Variants in CDC73 observed in about 807,000 individuals in gnomAD.
CDC73 encodes parafibromin.
In CDC73, 21 loss-of-function variants were observed where a neutral mutation model predicts 83.7. The observed-to-expected ratio is 0.25, with a 90% CI of 0.18 to 0.36. CDC73 has a LOEUF of 0.36. Among genes scored for constraint, CDC73 ranks in the 10% least tolerant of loss-of-function variants. The pLI is 1.00. For missense variants in CDC73, 342 were observed against 653.3 expected (o/e 0.52, Z 5.19); for synonymous variants, 224 against 212.9 (o/e 1.05, Z -0.45).
At chr1:193,125,244 A>G in intron 2 of CDC73, 27 bp downstream of exon 2, 2 of 1,302,526 alleles carry the variant, frequency 1.5e-6, no homozygotes, top group East Asian at 2.3e-5. Context: ...TTACTTATCT[A>G]TCTATTTATC....
chr1:193,132,208 T>G (rs954554133), intron 3 of CDC73, among the ~76,000 whole-genome samples: 55 of 152,364 alleles, frequency 3.6e-4, no homozygotes, highest in African/African-American at 1.2e-3. Flanking sequence ...GTAAGATTGA[T>G]TTCCACAGAG....
At position 193,203,651 on chromosome 1, in the gene CDC73, G is replaced by T. The variant is rs981745273; in HGVS notation, c.973-144G>T. ...TTTTTATTTTTTTCTTAAACTGTAG[G>T]TCATAACATGTTCAGTGGAGTAACC... is the stretch of plus-strand genomic sequence containing the variant. On this transcript the variant is annotated intron_variant, in intron 10 of 16. Transcript: ENST00000367435. The T allele has an allele frequency of 1.4e-5, 10 of 692,342 alleles. No individual in the cohort carries two copies. The African/African-American group carries it at 1.8e-4, about 13-fold the overall frequency. 42.9% of individuals were successfully genotyped at this position (692,342 alleles called of 1,614,324 possible). A position where few individuals can be genotyped will look rare whatever the true frequency, so the allele number is the denominator to read the frequency against.
intron 14 of CDC73, among the ~76,000 whole-genome samples, chr1:193,235,620 A>G (rs1677743835): frequency 6.6e-6 from 1 of 152,184 alleles, no homozygotes; most frequent in South Asian, 2.1e-4. Context: ...TGTTCTTTCT[A>G]GGAAAACTGG....
intron 13 of CDC73, among the ~76,000 whole-genome samples, chr1:193,213,500 G>T (rs186069276): frequency 2.2e-4 from 34 of 152,210 alleles, no homozygotes; most frequent in Non-Finnish European, 4.3e-4. Flanking sequence ...ATAGGGGATA[G>T]AAAATGGAGG....
chr1:193,212,147 A>G, intron 12 of CDC73, 47 bp downstream of exon 12: 1 of 1,423,692 alleles, frequency 7.0e-7, no homozygotes, highest in Non-Finnish European at 9.7e-7. Context: ...AAAGTAAATG[A>G]TTGCAAAACC....
In CDC73 at chr1:193,251,680, C is replaced by G. The variant is rs1202058027; in HGVS notation, c.*968C>G. 4.3e-6 allele frequency: 1 copy of G among 231,860 alleles called. No homozygotes were observed. The highest frequency in any genetic ancestry group is 8.5e-6 in the Non-Finnish European group (1 of 116,962). 14.4% of individuals were successfully genotyped at this position (231,860 alleles called of 1,614,324 possible). A position where few individuals can be genotyped will look rare whatever the true frequency, so the allele number is the denominator to read the frequency against. On this transcript the variant is annotated 3_prime_UTR_variant, in exon 17 of 17. Transcript: ENST00000367435. ...ATTTGCTTAATTGTCTGAAAAGAAA[C>G]AAGAGAAAAACACTGGTATTTTTAT...
intron 11 of CDC73, among the ~76,000 whole-genome samples, chr1:193,204,685 T>TATAGAACATTTACTTG (rs1443555006): frequency 6.6e-6 from 1 of 152,316 alleles, no homozygotes; most frequent in East Asian, 1.9e-4. Flanking sequence ...GGATTTATAC[T>TATAGAACATTTACTTG]ATAGAACATT....
intron 6 of CDC73, among the ~76,000 whole-genome samples, chr1:193,139,272 C>CT (rs1028528462): frequency 3.8e-4 from 54 of 143,428 alleles, no homozygotes; most frequent in Middle Eastern, 3.6e-3. Flanking sequence ...TTGTTTTGCT[C>CT]TTTTTTTTTT....
At chr1:193,247,500 A>C (rs1677974516) in intron 15 of CDC73, among the ~76,000 whole-genome samples, 1 of 152,086 alleles carries the variant, frequency 6.6e-6, no homozygotes, top group South Asian at 2.1e-4. Flanking sequence ...GAAGAGTTGC[A>C]CATCTCTCAT....
chr1:193,165,344 T>G (rs1443322030), intron 10 of CDC73, among the ~76,000 whole-genome samples: 1 of 152,208 alleles, frequency 6.6e-6, no homozygotes, highest in Non-Finnish European at 1.5e-5. Context: ...CAGAATGCAG[T>G]CAATATGAGT....
intron 6 of CDC73, 98 bp downstream of exon 6, chr1:193,138,271 C>T: frequency 1.2e-6 from 1 of 850,278 alleles, no homozygotes; most frequent in Admixed American, 1.7e-5. Context: ...ACATTTACCT[C>T]TTGGATTCAT....
chr1:193,225,245 GATATAT>G (rs56261261), intron 13 of CDC73, among the ~76,000 whole-genome samples: 85,486 of 143,542 alleles, frequency 0.6, 25,367 homozygotes, highest in South Asian at 0.73. Context: ...AGTATTCCAT[GATATAT>G]ATATATATAT....
Position 193,144,397 on chromosome 1 carries a change from ATTC to A in CDC73, c.729+2337_729+2339del, listed in dbSNP as rs547534846. Among the ~76,000 whole-genome samples the A allele has an allele frequency of 4.6e-5, 7 of 152,078 alleles. No individual in the cohort carries two copies. In the South Asian group the frequency reaches 1.2e-3, roughly 27 times the overall value. On this transcript the variant is annotated intron_variant, in intron 7 of 16. Transcript: ENST00000367435. ...AGTAGATTGATGATAATATTGATTA[ATTC>A]TTCTTTATTTTTAAAGTAGTGAGAT...
intron 15 of CDC73, among the ~76,000 whole-genome samples, chr1:193,243,422 A>G (rs1677897210): frequency 6.6e-6 from 1 of 152,192 alleles, no homozygotes; most frequent in Admixed American, 6.5e-5. Context: ...TTTGGACTCT[A>G]GTATCCTAGC....
chr1:193,182,455 A>G (rs896580520), intron 10 of CDC73, among the ~76,000 whole-genome samples: 1 of 152,176 alleles, frequency 6.6e-6, no homozygotes, highest in Non-Finnish European at 1.5e-5. Context: ...ACACTGTTAC[A>G]TATCTTGGTT....
At chr1:193,195,678 T>A (rs983164111) in intron 10 of CDC73, among the ~76,000 whole-genome samples, 4 of 152,154 alleles carry the variant, frequency 2.6e-5, no homozygotes, top group Non-Finnish European at 5.9e-5. Flanking sequence ...CTTATTTTGT[T>A]ACTGGATTTT....
intron 13 of CDC73, among the ~76,000 whole-genome samples, chr1:193,226,680 T>G (rs1677572662): frequency 6.6e-6 from 1 of 152,232 alleles, no homozygotes; most frequent in Admixed American, 6.5e-5. Context: ...CATTTGATCA[T>G]GGTGGATTAT....
chr1:193,180,831 A>G lies in CDC73; in HGVS notation c.973-22964A>G, dbSNP rs1450703849. On this transcript the variant is annotated intron_variant, in intron 10 of 16. Transcript: ENST00000367435. ...TGTCAGTTTTCATAACATATGGAATATGTGGACAGTATGTTGCAACCCAGT... is the reference window on the plus strand; with the variant it reads ...TGTCAGTTTTCATAACATATGGAATGTGTGGACAGTATGTTGCAACCCAGT... 4 of 1,614,100 alleles carry G rather than the reference A, an allele frequency of 2.5e-6. No individual in the cohort carries two copies. In the Admixed American group the frequency reaches 6.7e-5, roughly 27 times the overall value.
At chr1:193,247,557 T>C (rs1677975384) in intron 15 of CDC73, among the ~76,000 whole-genome samples, 1 of 152,038 alleles carries the variant, frequency 6.6e-6, no homozygotes, top group Admixed American at 6.6e-5. Flanking sequence ...GGAAGGCATG[T>C]CAAAAGCTGA....
Sources: gnomAD v4.1 joint callset for allele counts (sites outside exome capture counted in the v4.1 genomes callset) on GRCh38, gnomAD v4.1.1 for gene constraint, MANE v1.5 for transcripts, NCBI Gene and HGNC (gene_info 2026-07-23, HGNC 2026-07-21) for gene names.